SLC4A4: variants seen among roughly 807,000 people sequenced by gnomAD.
The protein encoded by SLC4A4 is electrogenic sodium bicarbonate cotransporter 1.
SLC4A4 carries 27 observed loss-of-function variants against 111.5 expected under a neutral mutation model. The ratio of observed to expected loss-of-function variants is 0.24; its 90% CI spans 0.18 to 0.33. The LOEUF is 0.33. Among genes scored for constraint, SLC4A4 ranks in the 10% least tolerant of loss-of-function variants. The probability of loss-of-function intolerance (pLI) is 1.00; values close to 1 mark genes in which losing one functional copy is unlikely to be tolerated. For synonymous variants in SLC4A4, 443 were observed against 463.4 expected (o/e 0.96, Z 0.57); for missense variants, 909 against 1,315.5 (o/e 0.69, Z 4.78).
At chr4:71,085,468 G>T (rs1742134540) in intron 1 of SLC4A4, among the ~76,000 whole-genome samples, 1 of 152,040 alleles carries the variant, frequency 6.6e-6, no homozygotes, top group African/African-American at 2.4e-5. Context: ...TTTTAGTCAT[G>T]AAGTCCTTGC....
chr4:71,394,715 TATATTTATAGG>T (rs1026781135), intron 6 of SLC4A4, among the ~76,000 whole-genome samples: 3 of 152,078 alleles, frequency 2.0e-5, no homozygotes, highest in African/African-American at 4.8e-5. Flanking sequence ...GAAACTGTGG[TATATTTATAGG>T]ATGGAATACT....
intron 3 of SLC4A4, among the ~76,000 whole-genome samples, chr4:71,279,611 G>A (rs1723343262): frequency 6.6e-6 from 1 of 152,104 alleles, no homozygotes; most frequent in African/African-American, 2.4e-5. Context: ...CCTTAAGATA[G>A]TAATTTTGTT....
intron 14 of SLC4A4, among the ~76,000 whole-genome samples, chr4:71,478,559 G>T (rs189734233): frequency 6.6e-6 from 1 of 151,494 alleles, no homozygotes; most frequent in East Asian, 2.0e-4. Flanking sequence ...ATTTAACAAT[G>T]AGAACATATG....
chr4:71,344,133 A>G (rs1729123062), intron 4 of SLC4A4, among the ~76,000 whole-genome samples: 1 of 152,042 alleles, frequency 6.6e-6, no homozygotes, highest in Non-Finnish European at 1.5e-5. Context: ...AAGCTCTGTG[A>G]GGGCAGAAAT....
At chr4:71,203,402 C>A (rs1395212555) in intron 1 of SLC4A4, among the ~76,000 whole-genome samples, 1 of 152,046 alleles carries the variant, frequency 6.6e-6, no homozygotes, top group Non-Finnish European at 1.5e-5. Flanking sequence ...ATATTTTGGA[C>A]AAAATTATGT....
rs185225538 is a variant in SLC4A4, at chr4:71,194,890, T to C, written c.-2+7489T>C. ...ATATAAATAAGGTGTTTCACAGATA[T>C]GTTGATTATAATATGAAAGCAAACA... On this transcript the variant is annotated intron_variant, in intron 1 of 25. Transcript: ENST00000264485. Among the ~76,000 whole-genome samples, 42 of 152,288 alleles carry C rather than the reference T, an allele frequency of 2.8e-4. 1 individual carries two copies. Among genetic ancestry groups the C allele is most frequent in the Admixed American group, 5.2e-4 (8 of 15,290 alleles).
rs75621543 is a variant in SLC4A4 at position 71,433,225 on chromosome 4, C to T, written c.808-7391C>T. 2.8e-4 allele frequency among the ~76,000 whole-genome samples: 43 copies of T among 151,628 alleles called. 1 individual carries two copies. The East Asian group carries it at 8.3e-3, about 29-fold the overall frequency. ...ACTGCAAAAATAAGTCCTCAGAAAC[C>T]TGCATCATAATCCCGCCAAATCTCC... is the stretch of plus-strand genomic sequence containing the variant. On this transcript the variant is annotated intron_variant, in intron 7 of 25. Coordinates refer to ENST00000264485, the MANE Select transcript of SLC4A4 (RefSeq NM_001098484.3).
chr4:71,560,237 G>T lies in SLC4A4; in HGVS notation c.3082G>T (p.Asp1028Tyr). 6.2e-7 allele frequency: 1 copy of T among 1,608,780 alleles called. No individual in the cohort carries two copies. The highest frequency in any genetic ancestry group is 8.5e-7 in the Non-Finnish European group (1 of 1,176,928). ...AAAGAAAAAGAAGAAGGGAAGTCTGGACAGTGACAATGATGATGTAAGGAA... is the reference window on the plus strand; with the variant it reads ...AAAGAAAAAGAAGAAGGGAAGTCTGTACAGTGACAATGATGATGTAAGGAA... Reference protein sequence around the residue: ...KKKKKKKGSLDSDNDDSDCPY... With the variant: ...KKKKKKKGSLYSDNDDSDCPY... The change falls in exon 23 of 26, where the codon GAC becomes TAC. Residue 1028 changes from aspartate (D) to tyrosine (Y), a missense_variant. Transcript: ENST00000264485.
intron 3 of SLC4A4, among the ~76,000 whole-genome samples, chr4:71,338,449 A>C (rs1023866074): frequency 6.6e-6 from 1 of 152,066 alleles, no homozygotes; most frequent in Non-Finnish European, 1.5e-5. Flanking sequence ...GATTTTGAGG[A>C]GTATTTGTGG....
At chr4:71,150,199 G>A (rs1578526612) in intron 2 of SLC4A4, among the ~76,000 whole-genome samples, 1 of 152,236 alleles carries the variant, frequency 6.6e-6, no homozygotes, top group Non-Finnish European at 1.5e-5. Context: ...TGTCCAAGCA[G>A]TGAGTTTCTG....
At chr4:71,488,185 A>G (rs1368316512) in intron 15 of SLC4A4, among the ~76,000 whole-genome samples, 1 of 149,912 alleles carries the variant, frequency 6.7e-6, no homozygotes, top group Non-Finnish European at 1.5e-5. Context: ...TATAGTTAAT[A>G]AAAACATAAG....
chr4:71,322,727 C>T (rs1362520566), intron 3 of SLC4A4, among the ~76,000 whole-genome samples: 1 of 151,924 alleles, frequency 6.6e-6, no homozygotes, highest in East Asian at 1.9e-4. Context: ...TTAAAAGTAA[C>T]TGGAAATGGT....
At chr4:71,334,139 T>A (rs1183679973) in intron 3 of SLC4A4, among the ~76,000 whole-genome samples, 2 of 152,114 alleles carry the variant, frequency 1.3e-5, no homozygotes, top group Non-Finnish European at 2.9e-5. Flanking sequence ...GAAGCCAGCA[T>A]AGCTCTGGAT....
At chr4:71,129,248 G>A (rs543050245) in intron 2 of SLC4A4, among the ~76,000 whole-genome samples, 1 of 152,104 alleles carries the variant, frequency 6.6e-6, no homozygotes, top group South Asian at 2.1e-4. Flanking sequence ...AATCTGTTAG[G>A]AACTTAAACA....
At chr4:71,526,219 G>C (rs750094794) in intron 16 of SLC4A4, among the ~76,000 whole-genome samples, 11 of 152,002 alleles carry the variant, frequency 7.2e-5, no homozygotes, top group Admixed American at 1.3e-4. Context: ...CAATTTCCTT[G>C]ACTGTGAAGT....
At chr4:71,077,844 A>G (rs1320573869) in intron 1 of SLC4A4, among the ~76,000 whole-genome samples, 1 of 152,230 alleles carries the variant, frequency 6.6e-6, no homozygotes, top group African/African-American at 2.4e-5. Flanking sequence ...TCCTTCCAAC[A>G]AAAATACACT....
chr4:71,559,518 T>A (rs1472804816), intron 22 of SLC4A4, among the ~76,000 whole-genome samples: 1 of 151,802 alleles, frequency 6.6e-6, no homozygotes, highest in Non-Finnish European at 1.5e-5. Context: ...ATAAATGAGA[T>A]AATATTGCCT....
intron 7 of SLC4A4, among the ~76,000 whole-genome samples, chr4:71,407,200 T>C (rs981047369): frequency 6.6e-6 from 1 of 152,162 alleles, no homozygotes; most frequent in Non-Finnish European, 1.5e-5. Context: ...GCAAACATCA[T>C]GCTGAATAGG....
At chr4:71,453,355 C>T (rs1725939642) in intron 11 of SLC4A4, 140 bp from the exon 12 acceptor site, 4 of 869,548 alleles carry the variant, frequency 4.6e-6, no homozygotes, top group Non-Finnish European at 7.5e-6. Flanking sequence ...TTTCTGGTTT[C>T]ATCGTAAGTG....
Sources: allele counts gnomAD v4.1 joint callset (sites outside exome capture counted in the v4.1 genomes callset), GRCh38; gene constraint gnomAD v4.1.1; transcripts MANE v1.5; gene names NCBI Gene and HGNC (gene_info 2026-07-23, HGNC 2026-07-21).